The following GPC5 variants were observed in gnomAD, a reference collection of about 807,000 sequenced individuals.
The protein encoded by GPC5 is glypican 5.
A neutral mutation model predicts 53.9 loss-of-function variants in GPC5; 47 were observed. The observed-to-expected ratio is 0.87, with a 90% CI of 0.69 to 1.11. GPC5 has a LOEUF of 1.11. GPC5 is among the 50% of genes most tolerant of loss of function. The probability of loss-of-function intolerance (pLI) is 0.00; values close to 1 mark genes in which losing one functional copy is unlikely to be tolerated. For synonymous variants in GPC5, 286 were observed against 263.3 expected, an observed-to-expected ratio of 1.09 and a Z score of -0.84; for missense variants, 748 against 713.1, an observed-to-expected ratio of 1.05 and a Z score of -0.56.
chr13:92,540,589 G>C (rs911637300), intron 7 of GPC5, among the ~76,000 whole-genome samples: 1 of 151,812 alleles, frequency 6.6e-6, no homozygotes, highest in African/African-American at 2.4e-5. Context: ...GATTTGACCA[G>C]CTTATTTTTG....
intron 6 of GPC5, among the ~76,000 whole-genome samples, chr13:92,139,469 C>A (rs1435061986): frequency 6.6e-6 from 1 of 151,954 alleles, no homozygotes; most frequent in African/African-American, 2.4e-5. Context: ...AGATCGAGAC[C>A]ATCCTGGCTA....
chr13:92,058,552 T>A (rs901446239), intron 6 of GPC5, among the ~76,000 whole-genome samples: 15 of 152,124 alleles, frequency 9.9e-5, no homozygotes, highest in African/African-American at 3.4e-4. Context: ...TACATTAGAA[T>A]TGGGTATTTA....
chr13:92,469,411 CTATT>C (rs1878825654), intron 7 of GPC5, among the ~76,000 whole-genome samples: 1 of 152,042 alleles, frequency 6.6e-6, no homozygotes, highest in Admixed American at 6.6e-5. Context: ...GAAAGGAAAT[CTATT>C]TATTAACTAG....
intron 2 of GPC5, among the ~76,000 whole-genome samples, chr13:91,466,855 C>A (rs919316605): frequency 6.6e-6 from 1 of 152,070 alleles, no homozygotes; most frequent in Non-Finnish European, 1.5e-5. Context: ...AAATTCTATT[C>A]AACTCTAAGA....
intron 6 of GPC5, among the ~76,000 whole-genome samples, chr13:91,967,118 G>C (rs1244186902): frequency 6.6e-6 from 1 of 152,156 alleles, no homozygotes; most frequent in Non-Finnish European, 1.5e-5. Context: ...GAAGGTGAAA[G>C]CCGTGTCTTA....
intron 7 of GPC5, among the ~76,000 whole-genome samples, chr13:92,700,487 AG>A (rs1341567747): frequency 6.6e-6 from 1 of 151,984 alleles, no homozygotes; most frequent in African/African-American, 2.4e-5. Context: ...GCCATTATGA[AG>A]CCTAGCTGAT....
At chr13:92,754,773 G>C (rs1355664023) in intron 7 of GPC5, among the ~76,000 whole-genome samples, 1 of 151,234 alleles carries the variant, frequency 6.6e-6, no homozygotes, top group Non-Finnish European at 1.5e-5. Flanking sequence ...TCAACAAGAA[G>C]AGCTAACTAT....
intron 7 of GPC5, among the ~76,000 whole-genome samples, chr13:92,395,205 T>C (rs1391006256): frequency 2.0e-5 from 3 of 152,212 alleles, no homozygotes; most frequent in Non-Finnish European, 4.4e-5. Context: ...TCTCTGATTT[T>C]CATGTAGCAT....
chr13:91,496,812 A>G (rs2139276757), intron 2 of GPC5, among the ~76,000 whole-genome samples: 1 of 152,322 alleles, frequency 6.6e-6, no homozygotes, highest in Non-Finnish European at 1.5e-5. Flanking sequence ...TGAATGCTTG[A>G]GGGGATGGAT....
chr13:92,287,481 AT>A (rs1284233300), intron 7 of GPC5, among the ~76,000 whole-genome samples: 12 of 152,044 alleles, frequency 7.9e-5, no homozygotes, highest in Non-Finnish European at 1.5e-4. Context: ...AGAATTGTGT[AT>A]TTTTTTCTTT....
chr13:92,257,885 G>A lies in GPC5; in HGVS notation c.1561+112896G>A, dbSNP rs368688456. Among the ~76,000 whole-genome samples, 29 of 151,942 alleles carry A rather than the reference G, an allele frequency of 1.9e-4. 3 individuals carry two copies. The highest frequency in any genetic ancestry group is 6.0e-4 in the African/African-American group (25 of 41,426). The stretch of plus-strand genomic sequence containing the variant: ...TTTAGATAAGAGTCCTTTGAGTTGC[G>A]GAACTCATGAATGAAGTGAACTTGC... On this transcript the variant is annotated intron_variant, in intron 7 of 7. Transcript: ENST00000377067.
intron 6 of GPC5, among the ~76,000 whole-genome samples, chr13:92,095,749 G>T (rs1487715238): frequency 6.6e-6 from 1 of 152,058 alleles, no homozygotes; most frequent in African/African-American, 2.4e-5. Context: ...TGGTCAGGCT[G>T]GTCTCGAATT....
chr13:91,935,337 T>C (rs768217588), intron 6 of GPC5, among the ~76,000 whole-genome samples: 14 of 151,868 alleles, frequency 9.2e-5, no homozygotes, highest in Non-Finnish European at 1.6e-4. Context: ...AAGTGGGACA[T>C]TTGGGAGATG....
chr13:91,613,047 C>T (rs1439404515), intron 2 of GPC5, among the ~76,000 whole-genome samples: 1 of 152,122 alleles, frequency 6.6e-6, no homozygotes, highest in Non-Finnish European at 1.5e-5. Context: ...TATTCTGTAT[C>T]AACCTAAGTT....
chr13:92,218,930 A>C lies in GPC5; in HGVS notation c.1561+73941A>C, dbSNP rs144441287. ...GGGGCAGAACCTGGAACCAGAAATT[A>C]ACTCTGACTTTGAAAACCACAATAA... On this transcript the variant is annotated intron_variant, in intron 7 of 7. Coordinates refer to ENST00000377067, the MANE Select transcript of GPC5 (RefSeq NM_004466.6). Among the ~76,000 whole-genome samples, 20 of 152,328 alleles carry C rather than the reference A, an allele frequency of 1.3e-4. No homozygotes were observed. In the East Asian group the frequency reaches 3.7e-3, roughly 28 times the overall value.
intron 7 of GPC5, among the ~76,000 whole-genome samples, chr13:92,777,291 G>C (rs901925788): frequency 2.8e-5 from 4 of 142,372 alleles, no homozygotes; most frequent in Non-Finnish European, 6.0e-5. Flanking sequence ...AGCCGAGATT[G>C]TGCCATTGCA....
chr13:91,707,825 A>AAT (rs142168946), intron 3 of GPC5, among the ~76,000 whole-genome samples: 4,157 of 151,666 alleles, frequency 0.027, 172 homozygotes, highest in African/African-American at 0.096. Flanking sequence ...AAGATAACAT[A>AAT]ATATATATAT....
chr13:91,450,524 C>T (rs1566409680), intron 2 of GPC5, among the ~76,000 whole-genome samples: 3 of 152,002 alleles, frequency 2.0e-5, no homozygotes, highest in Admixed American at 1.3e-4. Context: ...GGTTAGGAAA[C>T]CTGGAATATT....
In GPC5 at chr13:91,399,058, G is replaced by C. The variant is rs1018801885; in HGVS notation, c.12G>C (p.Gln4His). 7 of 1,559,082 alleles carry C rather than the reference G, an allele frequency of 4.5e-6. No homozygotes were observed. In the African/African-American group the frequency reaches 6.8e-5, roughly 15 times the overall value. The change falls in exon 1 of 8, where the codon CAG becomes CAC. Residue 4 changes from glutamine to histidine, a missense_variant. Transcript: ENST00000377067. MDA[Q>H]TWPVGFRCLL... ...CCAGGACGGCGAGGATGGACGCACAGACCTGGCCCGTGGGCTTTCGCTGCC... is the reference window on the plus strand; with the variant it reads ...CCAGGACGGCGAGGATGGACGCACACACCTGGCCCGTGGGCTTTCGCTGCC...
Sources: allele counts gnomAD v4.1 joint callset (sites outside exome capture counted in the v4.1 genomes callset), GRCh38; gene constraint gnomAD v4.1.1; transcripts MANE v1.5; gene names NCBI Gene and HGNC (gene_info 2026-07-23, HGNC 2026-07-21).